Variants in WDFY1 observed in about 807,000 individuals in gnomAD.
The protein encoded by WDFY1 is WD repeat and FYVE domain containing 1, also known as WD repeat and FYVE domain-containing protein 1.
Under a neutral mutation model 56.4 loss-of-function variants are expected in WDFY1, and 32 were observed. That is an observed-to-expected ratio of 0.57 (90% CI 0.43 to 0.76). The LOEUF is 0.76. Ranked by LOEUF, WDFY1 falls within the 30% of genes least tolerant of loss-of-function variation. The pLI is 0.00. For missense variants in WDFY1, 480 were observed against 545.7 expected, an observed-to-expected ratio of 0.88 and a Z score of 1.20; for synonymous variants, 192 against 197.3, an observed-to-expected ratio of 0.97 and a Z score of 0.23.
chr2:223,923,032 A>G (rs1197510305), intron 1 of WDFY1, among the ~76,000 whole-genome samples: 1 of 152,150 alleles, frequency 6.6e-6, no homozygotes. Context: ...TTTTTGTTTG[A>G]AAACTGTCGG....
chr2:223,914,444 A>C (rs1278246192), intron 2 of WDFY1, among the ~76,000 whole-genome samples: 1 of 152,170 alleles, frequency 6.6e-6, no homozygotes, highest in Non-Finnish European at 1.5e-5. Flanking sequence ...CCTTTCATTT[A>C]TGATTGCTTG....
rs1334528462 is a variant in WDFY1, at chr2:223,912,332, A to G, written c.206-6T>C. ...AGCCATAGCAGAGCAAGGAGCTGCC[A>G]GAAAGACAAAGACCACATTACCAGC... On this transcript the variant is annotated splice_region_variant and splice_polypyrimidine_tract_variant and intron_variant, in intron 2 of 11. Transcript: ENST00000233055. The G allele has an allele frequency of 1.3e-6, 2 of 1,595,626 alleles. No individual in the cohort carries two copies. Among genetic ancestry groups the G allele is most frequent in the Admixed American group, 3.7e-5 (2 of 53,974 alleles).
At chr2:223,887,573 C>T (rs1693192865) in intron 8 of WDFY1, among the ~76,000 whole-genome samples, 1 of 152,300 alleles carries the variant, frequency 6.6e-6, no homozygotes, top group South Asian at 2.1e-4. Flanking sequence ...CCCATTATTG[C>T]TCAGTGCTTT....
intron 8 of WDFY1, among the ~76,000 whole-genome samples, chr2:223,890,209 C>T (rs896696899): frequency 3.3e-5 from 5 of 152,196 alleles, no homozygotes; most frequent in African/African-American, 1.2e-4. Context: ...CAGTTGCTCA[C>T]ATCTGTAATC....
intron 1 of WDFY1, among the ~76,000 whole-genome samples, chr2:223,920,002 T>C (rs566716917): frequency 7.2e-5 from 11 of 152,268 alleles, no homozygotes; most frequent in South Asian, 2.1e-4. Context: ...AAACCATTTG[T>C]TTGTGGCAAT....
At chr2:223,931,638 G>T (rs1694074626) in intron 1 of WDFY1, among the ~76,000 whole-genome samples, 2 of 151,652 alleles carry the variant, frequency 1.3e-5, no homozygotes, top group South Asian at 2.1e-4. Flanking sequence ...AAAAGCACTG[G>T]CTCACAAACC....
intron 3 of WDFY1, among the ~76,000 whole-genome samples, chr2:223,909,880 T>G (rs629335): frequency 0.88 from 133,114 of 151,990 alleles, 58,851 homozygotes; most frequent in Non-Finnish European, 0.95. Context: ...GTAGCTAGGG[T>G]GATCTTCGAA....
Position 223,945,333 on chromosome 2 carries a change from G to A in WDFY1, c.-49C>T. The A allele has an allele frequency of 6.6e-7, 1 of 1,512,640 alleles. No individual in the cohort carries two copies. The allele number at this position is 1,512,640 out of a possible 1,614,324, so 93.7% of individuals were successfully genotyped here. A position where few individuals can be genotyped will look rare whatever the true frequency, so the allele number is the denominator to read the frequency against. On this transcript the variant is annotated 5_prime_UTR_variant, in exon 1 of 12. Transcript: ENST00000233055. ...CTCCTCGGCAGGCAGCCCATCAGCT[G>A]ACGCCTGGGCGGGCGGGGGACGCGC... is the stretch of plus-strand genomic sequence containing the variant.
chr2:223,929,703 C>T (rs919689642), intron 1 of WDFY1, among the ~76,000 whole-genome samples: 2 of 152,136 alleles, frequency 1.3e-5, no homozygotes. Flanking sequence ...GAACGAGGTG[C>T]CACATCCTGA....
At chr2:223,908,239 C>T (rs2106086601) in intron 3 of WDFY1, among the ~76,000 whole-genome samples, 2 of 152,268 alleles carry the variant, frequency 1.3e-5, no homozygotes, top group Middle Eastern at 6.8e-3. Flanking sequence ...TTCCTTGACC[C>T]CTTCTCAGCC....
At chr2:223,887,763 T>C (rs1693197182) in intron 8 of WDFY1, among the ~76,000 whole-genome samples, 1 of 152,250 alleles carries the variant, frequency 6.6e-6, no homozygotes, top group East Asian at 1.9e-4. Context: ...TTTCTTGAGT[T>C]AAAATTTGGT....
chr2:223,901,718 G>T (rs576035227), intron 4 of WDFY1, among the ~76,000 whole-genome samples: 98 of 151,632 alleles, frequency 6.5e-4, no homozygotes, highest in African/African-American at 2.0e-3. Context: ...AGCAGCAGTT[G>T]TAACAGTGCA....
Position 223,877,438 on chromosome 2 carries a change from T to C in WDFY1, c.*1233A>G, listed in dbSNP as rs1033500219. ...CCTAGAGAAATAGATATATGTACTGTTGTCAAAAAAAATCAAACACACAAA... is the reference window on the plus strand; with the variant it reads ...CCTAGAGAAATAGATATATGTACTGCTGTCAAAAAAAATCAAACACACAAA... On this transcript the variant is annotated 3_prime_UTR_variant, in exon 12 of 12. Coordinates refer to ENST00000233055, the MANE Select transcript of WDFY1 (RefSeq NM_020830.5). 4 of 152,134 alleles carry C rather than the reference T, an allele frequency of 2.6e-5. No homozygotes were observed. In the East Asian group the frequency reaches 5.8e-4, roughly 22 times the overall value. The allele number at this position is 152,134 out of a possible 1,614,324, so 9.4% of individuals were successfully genotyped here.
At chr2:223,942,764 T>C (rs940233317) in intron 1 of WDFY1, among the ~76,000 whole-genome samples, 76 of 137,766 alleles carry the variant, frequency 5.5e-4, no homozygotes, top group African/African-American at 1.9e-3. Context: ...CTCGATCTCC[T>C]GACCTCATGA....
intron 9 of WDFY1, among the ~76,000 whole-genome samples, chr2:223,884,440 G>C (rs756871146): frequency 1.6e-4 from 25 of 152,112 alleles, no homozygotes; most frequent in Non-Finnish European, 5.9e-5. Context: ...TTCCAATACA[G>C]GACAAGCAAT....
intron 4 of WDFY1, among the ~76,000 whole-genome samples, chr2:223,903,626 T>TAG (rs144287627): frequency 7.1e-6 from 1 of 140,140 alleles, no homozygotes; most frequent in African/African-American, 2.7e-5. Context: ...AGATGAAAAA[T>TAG]ACACACACAC....
At chr2:223,884,462 G>GT (rs1421770655) in intron 9 of WDFY1, among the ~76,000 whole-genome samples, 186 bp downstream of exon 9, 9 of 152,272 alleles carry the variant, frequency 5.9e-5, no homozygotes, top group Non-Finnish European at 1.2e-4. Flanking sequence ...GAAAAGTGAG[G>GT]TAACAGTCTC....
At chr2:223,929,220 T>A (rs1232810808) in intron 1 of WDFY1, among the ~76,000 whole-genome samples, 4 of 146,840 alleles carry the variant, frequency 2.7e-5, no homozygotes, top group Non-Finnish European at 6.0e-5. Flanking sequence ...AGAGTTTTGC[T>A]CTTTATGCCC....
At chr2:223,945,045 G>C in intron 1 of WDFY1, 103 bp downstream of exon 1, 2 of 1,344,180 alleles carry the variant, frequency 1.5e-6, no homozygotes, top group East Asian at 2.9e-5. Context: ...CCGTGCTGCC[G>C]GGGGAGCCCC....
Sources: gnomAD v4.1 joint callset for allele counts (sites outside exome capture counted in the v4.1 genomes callset) on GRCh38, gnomAD v4.1.1 for gene constraint, MANE v1.5 for transcripts, NCBI Gene and HGNC (gene_info 2026-07-23, HGNC 2026-07-21) for gene names.